The following EHBP1L1 variants were observed in gnomAD, a reference collection of about 807,000 sequenced individuals.
EHBP1L1 encodes EH domain-binding protein 1-like protein 1.
In EHBP1L1, 122 loss-of-function variants were observed where a neutral mutation model predicts 151.1. That is an observed-to-expected ratio of 0.81 (90% CI 0.70 to 0.94). The LOEUF is 0.94. Ranked by LOEUF, EHBP1L1 falls within the 40% of genes least tolerant of loss-of-function variation. The pLI is 0.00. For missense variants in EHBP1L1, 1,941 were observed against 1,959.8 expected, an observed-to-expected ratio of 0.99 and a Z score of 0.18; for synonymous variants, 878 against 810.1, an observed-to-expected ratio of 1.08 and a Z score of -1.42.
chr11:65,584,759 A>G, intron 11 of EHBP1L1, 200 bp from the exon 12 acceptor site: 1 of 953,750 alleles, frequency 1.0e-6, no homozygotes, highest in Non-Finnish European at 1.5e-6. Context: ...ACCCTTTGGT[A>G]ACGGGGTGGA....
chr11:65,579,892 T>G, intron 3 of EHBP1L1, 44 bp from the exon 4 acceptor site: 1 of 1,603,156 alleles, frequency 6.2e-7, no homozygotes, highest in Non-Finnish European at 8.5e-7. Flanking sequence ...CTCCCTTTGC[T>G]GCTGCCCCAA....
chr11:65,580,835 C>A, intron 6 of EHBP1L1: 1 of 1,201,966 alleles, frequency 8.3e-7, no homozygotes, highest in Non-Finnish European at 1.1e-6. Context: ...CTTCCTCATT[C>A]CTCCCTGCTG....
At chr11:65,577,415 G>A (rs1857383753) in intron 1 of EHBP1L1, among the ~76,000 whole-genome samples, 1 of 152,236 alleles carries the variant, frequency 6.6e-6, no homozygotes, top group African/African-American at 2.4e-5. Flanking sequence ...GCAGAGCCTG[G>A]GAGAGCTTGG....
intron 12 of EHBP1L1, among the ~76,000 whole-genome samples, chr11:65,588,182 C>G (rs1202917247): frequency 6.6e-6 from 1 of 151,736 alleles, no homozygotes; most frequent in African/African-American, 2.4e-5. Flanking sequence ...GGGGCCCCGG[C>G]AGGGGGGTCT....
Position 65,590,485 on chromosome 11 carries a change from C to T in EHBP1L1, c.4184-8C>T, listed in dbSNP as rs1858213886. The T allele has an allele frequency of 6.2e-7, 1 of 1,612,572 alleles. No homozygotes were observed. The highest frequency in any genetic ancestry group is 8.5e-7 in the Non-Finnish European group (1 of 1,179,652). Reference sequence around the variant, plus strand: ...GGCAGGCCTGGTGACTGTCCCTGTCCAATGCAGGTGCCAACAAGCTGCAGG... The same window carrying T: ...GGCAGGCCTGGTGACTGTCCCTGTCTAATGCAGGTGCCAACAAGCTGCAGG... On this transcript the variant is annotated splice_polypyrimidine_tract_variant and splice_region_variant and intron_variant, in intron 15 of 18. Transcript: ENST00000309295.
chr11:65,590,234 C>G, intron 15 of EHBP1L1, 24 bp downstream of exon 15: 1 of 1,610,480 alleles, frequency 6.2e-7, no homozygotes, highest in Non-Finnish European at 8.5e-7. Flanking sequence ...CTAGGGATCC[C>G]TTCCCCAACA....
chr11:65,582,195 G>T lies in EHBP1L1; in HGVS notation c.1523G>T (p.Gly508Val). The change falls in exon 9 of 19, where the codon GGT becomes GTT. Residue 508 changes from glycine (G) to valine (V), a missense_variant. Physicochemically the swap from Gly to Val is moderately radical, Grantham distance 109. Coordinates refer to ENST00000309295, the MANE Select transcript of EHBP1L1 (RefSeq NM_001099409.3). ...GCTGCTGCAGGCCAGGAGAGAGAGG[G>T]TGCAGAAGTGAGGGGTGGAGCACCT... ...ARAAAGQERE[G>V]AEVRGGAPGI... is the part of the protein sequence containing the mutation. The T allele has an allele frequency of 6.5e-7, 1 of 1,544,610 alleles. No homozygotes were observed. Among genetic ancestry groups the T allele is most frequent in the South Asian group, 1.2e-5 (1 of 80,006 alleles).
At position 65,582,534 on chromosome 11, in the gene EHBP1L1, AG is replaced by A. The variant is rs770536437; in HGVS notation, c.1864del (p.Val622LeufsTer20). On this transcript the variant is annotated frameshift_variant, in exon 9 of 19. Coordinates refer to ENST00000309295, the MANE Select transcript of EHBP1L1 (RefSeq NM_001099409.3). LOFTEE classifies it high-confidence loss of function. ...EAARSRVLES[E>X]VAGTAQCEGL... ...GCAAGATCAAGGGTCCTGGAGTCAG[AG>A]GTTGCTGGGACAGCACAGTGTGAGG... The A allele has an allele frequency of 6.2e-6, 10 of 1,613,500 alleles. No homozygotes were observed. In the South Asian group the frequency reaches 1.1e-4, roughly 18 times the overall value.
intron 16 of EHBP1L1, 111 bp downstream of exon 16, chr11:65,590,703 T>G: frequency 1.0e-6 from 1 of 971,748 alleles, no homozygotes; most frequent in South Asian, 1.5e-5. Flanking sequence ...CGATTCCTCT[T>G]CCATCTTACT....
Position 65,585,084 on chromosome 11 carries a change from CG to C in EHBP1L1, c.3429del (p.Gln1144ArgfsTer97). The C allele has an allele frequency of 6.5e-7, 1 of 1,535,770 alleles. No individual in the cohort carries two copies. The highest frequency in any genetic ancestry group is 8.7e-7 in the Non-Finnish European group (1 of 1,149,552). Reference protein sequence around the residue: ...YLCQIRAFCTGQELQLVQLEG... With the variant: ...YLCQIRAFCTXQELQLVQLEG... ...TGTGCCAGATCCGCGCCTTCTGCACCGGGCAGGAGCTGCAGCTGGTACAACT... is the reference window on the plus strand; with the variant it reads ...TGTGCCAGATCCGCGCCTTCTGCACCGGCAGGAGCTGCAGCTGGTACAACT... On this transcript the variant is annotated frameshift_variant, in exon 12 of 19. Transcript: ENST00000309295. LOFTEE classifies it high-confidence loss of function. The surrounding 1 kb of genome is among the most constrained non-coding windows in gnomAD (Gnocchi z 4.0).
rs1192080149 is a variant in EHBP1L1, at chr11:65,585,273, G to A, written c.3615G>A (p.Pro1205=). ...EAADRADGAA[P]GVASRNAVAG... ...CAGACCGCGCAGACGGGGCGGCCCC[G>A]GGGGTGGCCTCCAGGAACGCGGTCG... The change falls in exon 12 of 19, where the codon CCG becomes CCA. Residue 1205 remains proline, a synonymous_variant. Coordinates refer to ENST00000309295, the MANE Select transcript of EHBP1L1 (RefSeq NM_001099409.3). This position sits in a 1 kb window ranked among gnomAD's most constrained non-coding sequence, Gnocchi z 4.0. The A allele has an allele frequency of 1.9e-6, 2 of 1,080,856 alleles. No homozygotes were observed. The highest frequency in any genetic ancestry group is 2.2e-6 in the Non-Finnish European group (2 of 891,226). The allele number at this position is 1,080,856 out of a possible 1,614,324, so 67.0% of individuals were successfully genotyped here.
intron 9 of EHBP1L1, 133 bp downstream of exon 9, chr11:65,583,898 C>G (rs928705787): frequency 7.1e-7 from 1 of 1,417,986 alleles, no homozygotes; most frequent in Non-Finnish European, 9.2e-7. Flanking sequence ...TGAAGGAGCC[C>G]CCTCATCCCC....
intron 12 of EHBP1L1, among the ~76,000 whole-genome samples, chr11:65,588,542 G>C (rs924281467): frequency 3.3e-5 from 5 of 152,218 alleles, no homozygotes; most frequent in African/African-American, 1.2e-4. Flanking sequence ...CTCTGAGCCA[G>C]GGATGTCCAG....
Position 65,585,682 on chromosome 11 carries a change from A to G in EHBP1L1, c.3933+91A>G. The G allele has an allele frequency of 6.7e-7, 1 of 1,500,732 alleles. No homozygotes were observed. The highest frequency in any genetic ancestry group is 1.2e-5 in the South Asian group (1 of 82,026). 93.0% of individuals were successfully genotyped at this position (1,500,732 alleles called of 1,614,324 possible). A position where few individuals can be genotyped will look rare whatever the true frequency, so the allele number is the denominator to read the frequency against. Reference sequence around the variant, plus strand: ...ACGGGCGAGCCCCCAAGGGGCCCCAAGGACAGAGCTGGCGCGAGGGTGACG... The same window carrying G: ...ACGGGCGAGCCCCCAAGGGGCCCCAGGGACAGAGCTGGCGCGAGGGTGACG... On this transcript the variant is annotated intron_variant, in intron 12 of 18. Coordinates refer to ENST00000309295, the MANE Select transcript of EHBP1L1 (RefSeq NM_001099409.3). This position sits in a 1 kb window ranked among gnomAD's most constrained non-coding sequence, Gnocchi z 4.0.
chr11:65,583,096 G>A lies in EHBP1L1; in HGVS notation c.2424G>A (p.Glu808=), dbSNP rs749972301. 1.9e-6 allele frequency: 3 copies of A among 1,613,292 alleles called. No individual in the cohort carries two copies. The highest frequency in any genetic ancestry group is 2.2e-5 in the South Asian group (2 of 91,058). ...AGGTTGGGGGTTCAGAGGTTCCAGA[G>A]ATAGCGACTGGGACAGCAGAAACTG... ...VKEVGGSEVP[E]IATGTAETEI... is the part of the protein sequence containing the mutation. The change falls in exon 9 of 19, where the codon GAG becomes GAA. Residue 808 remains glutamate (E), a synonymous_variant. Transcript: ENST00000309295.
In EHBP1L1 at chr11:65,579,465, G is replaced by GCAATTGCAACACAGGCAGTTGCAA. The variant is rs750550016; in HGVS notation, c.258+45_258+68dup. On this transcript the variant is annotated intron_variant, in intron 3 of 18. Transcript: ENST00000309295. ...AGTCTCTAGCCCTCCAGCATGGATG[G>GCAATTGCAACACAGGCAGTTGCAA]CAATTGCAACACAGGCAGTTGCAAC... The GCAATTGCAACACAGGCAGTTGCAA allele has an allele frequency of 7.6e-6, 11 of 1,438,340 alleles. No homozygotes were observed. The Admixed American group carries it at 8.4e-5, about 11-fold the overall frequency. 89.1% of individuals were successfully genotyped at this position (1,438,340 alleles called of 1,614,324 possible). A position where few individuals can be genotyped will look rare whatever the true frequency, so the allele number is the denominator to read the frequency against.
At position 65,579,384 on chromosome 11, in the gene EHBP1L1, C is replaced by T; in HGVS notation, c.206C>T (p.Thr69Ile). 2 of 1,578,378 alleles carry T rather than the reference C, an allele frequency of 1.3e-6. No individual in the cohort carries two copies. Among genetic ancestry groups the T allele is most frequent in the African/African-American group, 2.7e-5 (2 of 74,484 alleles). Residue 69 changes from threonine to isoleucine, a missense_variant, in exon 3 of 19, where the codon ACC (threonine) becomes ATC (isoleucine). Thr to Ile is a moderately conservative substitution (Grantham distance 89). Transcript: ENST00000309295. Reference sequence around the variant, plus strand: ...GGCATCCAGAACCCATACCGGGGCACCGTGGTGTGGATGGTACCTGAGAAT... The same window carrying T: ...GGCATCCAGAACCCATACCGGGGCATCGTGGTGTGGATGGTACCTGAGAAT... ...QPGIQNPYRG[T>I]VVWMVPENVD...
chr11:65,582,854 G>A lies in EHBP1L1; in HGVS notation c.2182G>A (p.Glu728Lys), dbSNP rs777526097. The A allele has an allele frequency of 1.2e-5, 19 of 1,613,494 alleles. No individual in the cohort carries two copies. In the South Asian group the frequency reaches 1.9e-4, roughly 16 times the overall value. Residue 728 changes from glutamate (E) to lysine (K), a missense_variant, in exon 9 of 19, where the codon GAG becomes AAG. Coordinates refer to ENST00000309295, the MANE Select transcript of EHBP1L1 (RefSeq NM_001099409.3). ...AGAAGCTAAAATATTAGGGACCCAG[G>A]AGATAACAGCTAGGGATTCAGGGGT... ...GTEAKILGTQEITARDSGVRE... is the reference protein window; with the variant it reads ...GTEAKILGTQKITARDSGVRE...
Position 65,583,456 on chromosome 11 carries a change from G to A in EHBP1L1, c.2784G>A (p.Glu928=), listed in dbSNP as rs762602934. The A allele has an allele frequency of 1.9e-6, 3 of 1,613,578 alleles. No individual in the cohort carries two copies. The highest frequency in any genetic ancestry group is 1.1e-5 in the South Asian group (1 of 91,052). ...AGATTTCAGGAGTACAAGGGTCAGA[G>A]ACTCAAGTTCTGAGAGTCCAGGAGG... is the stretch of plus-strand genomic sequence containing the variant. ...KAEISGVQGS[E]TQVLRVQEAE... The change falls in exon 9 of 19, where the codon GAG becomes GAA. Residue 928 remains glutamate, a synonymous_variant. Coordinates refer to ENST00000309295, the MANE Select transcript of EHBP1L1 (RefSeq NM_001099409.3).
Sources: gnomAD v4.1 joint callset for allele counts (sites outside exome capture counted in the v4.1 genomes callset) on GRCh38, gnomAD v4.1.1 for gene constraint, Gnocchi (gnomAD v3.1) non-coding constraint, MANE v1.5 for transcripts, NCBI Gene and HGNC (gene_info 2026-07-23, HGNC 2026-07-21) for gene names.